GRID2: variants seen among roughly 807,000 people sequenced by gnomAD.
The protein encoded by GRID2 is glutamate receptor ionotropic, delta-2.
A neutral mutation model predicts 114.8 loss-of-function variants in GRID2; 33 were observed. That is an observed-to-expected ratio of 0.29 (90% CI 0.22 to 0.38). The LOEUF is 0.38. Among genes scored for constraint, GRID2 ranks in the 10% least tolerant of loss-of-function variants. GRID2 has a pLI of 1.00. For missense variants in GRID2, 1,184 were observed against 1,257.7 expected, an observed-to-expected ratio of 0.94 and a Z score of 0.89; for synonymous variants, 505 against 449.9, an observed-to-expected ratio of 1.12 and a Z score of -1.55.
intron 13 of GRID2, among the ~76,000 whole-genome samples, chr4:93,594,973 A>C (rs937487259): frequency 3.9e-5 from 6 of 152,170 alleles, no homozygotes; most frequent in East Asian, 1.9e-4. Flanking sequence ...TAGTGAGATG[A>C]ACCCGGTACC....
At chr4:92,819,445 G>A (rs866208424) in intron 2 of GRID2, among the ~76,000 whole-genome samples, 8 of 152,114 alleles carry the variant, frequency 5.3e-5, no homozygotes, top group Middle Eastern at 3.4e-3. Context: ...GGTTTAAAAA[G>A]GAATATTAGA....
intron 2 of GRID2, among the ~76,000 whole-genome samples, chr4:92,661,074 T>C (rs2149269108): frequency 6.6e-6 from 1 of 150,806 alleles, no homozygotes; most frequent in East Asian, 2.0e-4. Context: ...GTGGGCAGAG[T>C]GTATCATTAT....
intron 2 of GRID2, among the ~76,000 whole-genome samples, chr4:92,751,832 A>G (rs563863027): frequency 6.6e-6 from 1 of 152,234 alleles, no homozygotes; most frequent in South Asian, 2.1e-4. Flanking sequence ...ATTAGTAACT[A>G]TGTTTTGATG....
intron 1 of GRID2, among the ~76,000 whole-genome samples, chr4:92,412,448 C>T (rs1057495234): frequency 2.0e-5 from 3 of 151,842 alleles, no homozygotes; most frequent in East Asian, 1.9e-4. Context: ...AAGAGGACAA[C>T]ATTTATATTT....
intron 2 of GRID2, among the ~76,000 whole-genome samples, chr4:93,017,537 C>T (rs1331212358): frequency 1.3e-5 from 2 of 152,004 alleles, no homozygotes; most frequent in African/African-American, 2.4e-5. Context: ...TATATGGCCA[C>T]GCGCAGTGGC....
chr4:93,386,227 C>T (rs1305114955), intron 8 of GRID2, among the ~76,000 whole-genome samples: 1 of 152,110 alleles, frequency 6.6e-6, no homozygotes, highest in Non-Finnish European at 1.5e-5. Context: ...GTGTTCAAAT[C>T]CTAGCTATGT....
chr4:93,291,362 T>C (rs1753741390), intron 8 of GRID2, among the ~76,000 whole-genome samples: 1 of 152,150 alleles, frequency 6.6e-6, no homozygotes, highest in African/African-American at 2.4e-5. Flanking sequence ...TAGTTTAGTT[T>C]GGGCAAGTTA....
rs564180671 is a variant in GRID2, at chr4:93,495,843, A to T, written c.1997+5066A>T. On this transcript the variant is annotated intron_variant, in intron 12 of 15. Transcript: ENST00000282020. ...TAATATTTACTTATGTAGTGGATGTAAGAATATTGCCTCAGTTAATTTTGT... is the reference window on the plus strand; with the variant it reads ...TAATATTTACTTATGTAGTGGATGTTAGAATATTGCCTCAGTTAATTTTGT... Among the ~76,000 whole-genome samples the T allele has an allele frequency of 1.1e-4, 16 of 151,908 alleles. No homozygotes were observed. The South Asian group carries it at 3.1e-3, about 30-fold the overall frequency.
chr4:93,300,610 G>T (rs897906487), intron 8 of GRID2, among the ~76,000 whole-genome samples: 4 of 152,094 alleles, frequency 2.6e-5, no homozygotes, highest in Non-Finnish European at 4.4e-5. Flanking sequence ...TGGCCTTGAA[G>T]AACTCCAAAA....
chr4:93,376,668 A>G (rs997735115), intron 8 of GRID2, among the ~76,000 whole-genome samples: 11 of 152,218 alleles, frequency 7.2e-5, no homozygotes, highest in African/African-American at 2.7e-4. Context: ...TGTCCTTTTC[A>G]GGGACGTGGA....
chr4:92,913,198 T>C (rs1748517109), intron 2 of GRID2, among the ~76,000 whole-genome samples: 1 of 151,896 alleles, frequency 6.6e-6, no homozygotes, highest in African/African-American at 2.4e-5. Context: ...GTTTTGTGAA[T>C]ATCAAGTTTG....
At chr4:92,598,829 G>A (rs1049324441) in intron 2 of GRID2, among the ~76,000 whole-genome samples, 4 of 152,000 alleles carry the variant, frequency 2.6e-5, no homozygotes, top group African/African-American at 9.7e-5. Context: ...CATTGCATGT[G>A]TCCCTCAGTA....
rs117398749 is a variant in GRID2 at position 93,074,004 on chromosome 4, C to T, written c.245-10991C>T. Among the ~76,000 whole-genome samples the T allele has an allele frequency of 6.6e-4, 100 of 152,328 alleles. 1 individual carries two copies. The East Asian group carries it at 0.013, about 19-fold the overall frequency. On this transcript the variant is annotated intron_variant, in intron 2 of 15. Transcript: ENST00000282020. ...ACCCAAGACTCACAGAGGACAGAGG[C>T]ACCTCCACTTGGTGCAGCTGTGAAG...
At chr4:93,725,747 T>G (rs1438544585) in intron 14 of GRID2, among the ~76,000 whole-genome samples, 1 of 152,090 alleles carries the variant, frequency 6.6e-6, no homozygotes, top group Non-Finnish European at 1.5e-5. Flanking sequence ...TGATGAGCAT[T>G]TTTTCATGTG....
At chr4:92,680,384 A>C (rs776581848) in intron 2 of GRID2, among the ~76,000 whole-genome samples, 13 of 152,168 alleles carry the variant, frequency 8.5e-5, no homozygotes, top group African/African-American at 1.2e-4. Flanking sequence ...TACAAATGTG[A>C]ATCAAATTAG....
At chr4:92,917,798 T>C (rs1748935633) in intron 2 of GRID2, among the ~76,000 whole-genome samples, 2 of 152,186 alleles carry the variant, frequency 1.3e-5, no homozygotes, top group Non-Finnish European at 1.5e-5. Context: ...CCTCCAGCTT[T>C]GTTCTTTTGG....
chr4:93,595,069 G>T (rs1232011111), intron 13 of GRID2, among the ~76,000 whole-genome samples: 1 of 152,144 alleles, frequency 6.6e-6, no homozygotes, highest in African/African-American at 2.4e-5. Flanking sequence ...CAGCCATCTT[G>T]GCTCCTCCCT....
At chr4:93,421,055 G>A (rs1768227573) in intron 9 of GRID2, among the ~76,000 whole-genome samples, 3 of 152,134 alleles carry the variant, frequency 2.0e-5, no homozygotes, top group Admixed American at 2.0e-4. Flanking sequence ...ACATTCTAGA[G>A]CCTTGGCGAG....
chr4:93,133,280 T>C (rs1339400082), intron 4 of GRID2, among the ~76,000 whole-genome samples: 2 of 152,212 alleles, frequency 1.3e-5, no homozygotes, highest in Non-Finnish European at 2.9e-5. Flanking sequence ...TTTGATCTGA[T>C]ATCTTTTATT....
Sources: gnomAD v4.1 joint callset for allele counts (sites outside exome capture counted in the v4.1 genomes callset) on GRCh38, gnomAD v4.1.1 for gene constraint, MANE v1.5 for transcripts, NCBI Gene and HGNC (gene_info 2026-07-23, HGNC 2026-07-21) for gene names.